The following TOP2A variants were observed in gnomAD, a reference collection of about 807,000 sequenced individuals.
TOP2A encodes DNA topoisomerase 2-alpha.
In TOP2A, 68 loss-of-function variants were observed where a neutral mutation model predicts 187.2. The ratio of observed to expected loss-of-function variants is 0.36; its 90% CI spans 0.30 to 0.44. The LOEUF is 0.44. Ranked by LOEUF, TOP2A falls within the 20% of genes least tolerant of loss-of-function variation. The pLI, the probability that TOP2A is intolerant of heterozygous loss-of-function variation, is 1.00. For synonymous variants in TOP2A, 542 were observed against 593.2 expected, an observed-to-expected ratio of 0.91 and a Z score of 1.25; for missense variants, 1,196 against 1,808.7, an observed-to-expected ratio of 0.66 and a Z score of 6.14.
At chr17:40,402,768 A>G in intron 20 of TOP2A, 138 bp downstream of exon 20, 1 of 841,222 alleles carries the variant, frequency 1.2e-6, no homozygotes, top group Non-Finnish European at 1.8e-6. Flanking sequence ...GCTTTCCTGT[A>G]TAAGCCTCAC....
rs1180784722 is a variant in TOP2A, at chr17:40,389,487, A to G, written c.*32T>C. 1 of 1,563,680 alleles carries G rather than the reference A, an allele frequency of 6.4e-7. No homozygotes were observed. Among genetic ancestry groups the G allele is most frequent in the Non-Finnish European group, 8.7e-7 (1 of 1,152,840 alleles). On this transcript the variant is annotated 3_prime_UTR_variant, in exon 35 of 35. Transcript: ENST00000423485. ...CTTTAAAACCAGTCTTGGGCTTGGT[A>G]AGATAATTACTTAAAATAATCGCCT...
At position 40,412,818 on chromosome 17, in the gene TOP2A, A is replaced by T; in HGVS notation, c.730T>A (p.Tyr244Asn). The T allele has an allele frequency of 6.2e-7, 1 of 1,614,020 alleles. No homozygotes were observed. Among genetic ancestry groups the T allele is most frequent in the Non-Finnish European group, 8.5e-7 (1 of 1,179,876 alleles). ...DIVALMVRRAYDIAGSTKDVK... is the reference protein window; with the variant it reads ...DIVALMVRRANDIAGSTKDVK... ...TCTTTGGTGGATCCAGCAATATCAT[A>T]TGCTCTTCTGACCATTAGTGCAACA... The change falls in exon 7 of 35, where the codon TAT (tyrosine) becomes AAT (asparagine). Residue 244 changes from tyrosine (Y) to asparagine (N), a missense_variant. Tyr to Asn is a moderately radical substitution (Grantham distance 143). Coordinates refer to ENST00000423485, the MANE Select transcript of TOP2A (RefSeq NM_001067.4).
At chr17:40,399,205 T>A in intron 24 of TOP2A, 74 bp from the exon 25 acceptor site, 1 of 1,088,880 alleles carries the variant, frequency 9.2e-7, no homozygotes, top group Non-Finnish European at 1.3e-6. Flanking sequence ...TTTACACAAG[T>A]CAAAAGTTTA....
At chr17:40,396,003 G>A (rs995768516) in intron 28 of TOP2A, among the ~76,000 whole-genome samples, 2 of 148,768 alleles carry the variant, frequency 1.3e-5, no homozygotes, top group African/African-American at 4.9e-5. Flanking sequence ...TTTTTGAGAT[G>A]GAGTTTTGCT....
rs1048890086 is a variant in TOP2A at position 40,398,110 on chromosome 17, CTTTTTTT to C, written c.3537+441_3537+447del. Among the ~76,000 whole-genome samples, 20 of 127,664 alleles carry C rather than the reference CTTTTTTT, an allele frequency of 1.6e-4. No individual in the cohort carries two copies. The East Asian group carries it at 2.1e-3, about 13-fold the overall frequency. The allele number at this position is 127,664 out of a possible 152,430, so 83.8% of individuals were successfully genotyped here. The stretch of plus-strand genomic sequence containing the variant: ...CTAAGTAGTATTTAATAATCTGTCC[CTTTTTTT>C]TTTTTTTTTTTTTTGAGACGGAGTC... On this transcript the variant is annotated intron_variant, in intron 27 of 34. Coordinates refer to ENST00000423485, the MANE Select transcript of TOP2A (RefSeq NM_001067.4).
chr17:40,404,035 C>T, intron 19 of TOP2A, 117 bp downstream of exon 19: 1 of 1,329,812 alleles, frequency 7.5e-7, no homozygotes, highest in Non-Finnish European at 1.0e-6. Flanking sequence ...ACAGGTTTTA[C>T]CAACTTGTTC....
Position 40,407,953 on chromosome 17 carries a change from G to A in TOP2A, c.1500+14C>T, listed in dbSNP as rs377118340. On this transcript the variant is annotated intron_variant, in intron 12 of 34. Transcript: ENST00000423485. ...AAATTAGATTTAGATTCTGAAGATC[G>A]TCTTATATTCTACCTGCTTATGAGA... 6.1e-5 allele frequency: 98 copies of A among 1,602,362 alleles called. No homozygotes were observed. Among genetic ancestry groups the A allele is most frequent in the South Asian group, 4.8e-4 (43 of 89,700 alleles).
Position 40,413,502 on chromosome 17 carries a change from A to G in TOP2A, c.456T>C (p.Asp152=), listed in dbSNP as rs1290529154. ...TACCTGTCACTTTCTTTTCATCATC[A>G]TCATAGTTACTAGAAGTTAGGAGCT... ...FGQLLTSSNY[D]DDEKKVTGGR... is the part of the protein sequence containing the mutation. The change falls in exon 5 of 35, where the codon GAT becomes GAC. Residue 152 remains aspartate (D), a synonymous_variant. Coordinates refer to ENST00000423485, the MANE Select transcript of TOP2A (RefSeq NM_001067.4). 5 of 1,535,638 alleles carry G rather than the reference A, an allele frequency of 3.3e-6. No homozygotes were observed. The highest frequency in any genetic ancestry group is 4.4e-6 in the Non-Finnish European group (5 of 1,141,912).
At chr17:40,417,711 G>T (rs910960747) in intron 1 of TOP2A, 60 bp downstream of exon 1, 1 of 1,608,516 alleles carries the variant, frequency 6.2e-7, no homozygotes, top group African/African-American at 1.3e-5. Flanking sequence ...GTCACGGGCG[G>T]CCAGAGAGAT....
chr17:40,401,010 C>T lies in TOP2A; in HGVS notation c.2504G>A (p.Arg835His), dbSNP rs750801789. The T allele has an allele frequency of 8.7e-6, 14 of 1,613,936 alleles. No individual in the cohort carries two copies. The highest frequency in any genetic ancestry group is 1.1e-5 in the South Asian group (1 of 91,080). ...AGGAATGTACCATTCAGGCTCAACA[C>T]GCTGGTTGTCATCATATAAAAACTT... ...TLKFLYDDNQ[R>H]VEPEWYIPII... Residue 835 changes from arginine to histidine, a missense_variant, in exon 21 of 35, where the codon CGT becomes CAT. Physicochemically the swap from Arg to His is conservative, Grantham distance 29. Transcript: ENST00000423485.
chr17:40,405,020 T>G lies in TOP2A; in HGVS notation c.1954-137A>C, dbSNP rs1042675924. On this transcript the variant is annotated intron_variant, in intron 16 of 34. Coordinates refer to ENST00000423485, the MANE Select transcript of TOP2A (RefSeq NM_001067.4). ...TTTTTTTTTTTGAGACGGGAGTTACTGTTCTCTTGCCCAGCCTGGAGTGCA... is the reference window on the plus strand; with the variant it reads ...TTTTTTTTTTTGAGACGGGAGTTACGGTTCTCTTGCCCAGCCTGGAGTGCA... The G allele has an allele frequency of 6.7e-6, 4 of 593,668 alleles. No individual in the cohort carries two copies. In the African/African-American group the frequency reaches 7.7e-5, roughly 11 times the overall value. 36.8% of individuals were successfully genotyped at this position (593,668 alleles called of 1,614,324 possible).
chr17:40,399,975 T>A lies in TOP2A; in HGVS notation c.3093A>T (p.Gly1031=), dbSNP rs1355018304. The change falls in exon 24 of 35, where the codon GGA becomes GGT. Residue 1031 remains glycine (G), a synonymous_variant. Transcript: ENST00000423485. The part of the protein sequence containing the change: ...DFFELRLKYY[G]LRKEWLLGML... ...TTCCTAGGAGCCATTCTTTTCTTAATCCATAATATTTAAGTCTGAGTTCAA... is the reference window on the plus strand; with the variant it reads ...TTCCTAGGAGCCATTCTTTTCTTAAACCATAATATTTAAGTCTGAGTTCAA... 1 of 1,613,472 alleles carries A rather than the reference T, an allele frequency of 6.2e-7. No individual in the cohort carries two copies. The highest frequency in any genetic ancestry group is 1.1e-5 in the South Asian group (1 of 91,060).
At chr17:40,401,144 T>A in intron 20 of TOP2A, 63 bp from the exon 21 acceptor site, 1 of 1,393,684 alleles carries the variant, frequency 7.2e-7, no homozygotes, top group Non-Finnish European at 9.9e-7. Flanking sequence ...TTAACTTTTA[T>A]GGAAAGGACA....
chr17:40,411,579 T>C lies in TOP2A; in HGVS notation c.963+66A>G, dbSNP rs2035322761. On this transcript the variant is annotated intron_variant, in intron 8 of 34. Transcript: ENST00000423485. The surrounding 1 kb of genome is among the most constrained non-coding windows in gnomAD (Gnocchi z 4.4). Reference sequence around the variant, plus strand: ...CCAATATTCAAGTCCACTTTATATATTAAAAACAATAAGAACACATATATG... The same window carrying C: ...CCAATATTCAAGTCCACTTTATATACTAAAAACAATAAGAACACATATATG... 6.4e-7 allele frequency: 1 copy of C among 1,565,876 alleles called. No individual in the cohort carries two copies. The highest frequency in any genetic ancestry group is 2.3e-5 in the East Asian group (1 of 42,822).
rs2035272269 is a variant in TOP2A, at chr17:40,408,249, G to C, written c.1343-125C>G. 3 of 827,916 alleles carry C rather than the reference G, an allele frequency of 3.6e-6. No individual in the cohort carries two copies. In the Admixed American group the frequency reaches 9.7e-5, roughly 27 times the overall value. The allele number at this position is 827,916 out of a possible 1,614,324, so 51.3% of individuals were successfully genotyped here. On this transcript the variant is annotated intron_variant, in intron 11 of 34. Coordinates refer to ENST00000423485, the MANE Select transcript of TOP2A (RefSeq NM_001067.4). ...TACTATATAATGAGCAAAATTATTT[G>C]TTAGGTAATAGATCATAATATAAAC...
intron 10 of TOP2A, chr17:40,410,592 G>C: frequency 2.2e-6 from 1 of 455,970 alleles, no homozygotes; most frequent in South Asian, 1.6e-5. Context: ...AACCAAAAAA[G>C]AGATAATGGT....
chr17:40,396,233 G>T, intron 28 of TOP2A, 50 bp downstream of exon 28: 1 of 1,015,052 alleles, frequency 9.9e-7, no homozygotes, highest in Non-Finnish European at 1.5e-6. Flanking sequence ...CACCCACCTT[G>T]GCCCCCAAAG....
intron 19 of TOP2A, among the ~76,000 whole-genome samples, chr17:40,403,863 T>C (rs534317601): frequency 2.0e-5 from 3 of 152,352 alleles, no homozygotes; most frequent in Admixed American, 2.0e-4. Context: ...TGTGTCACAA[T>C]TTATTATAAC....
chr17:40,390,009 C>A lies in TOP2A; in HGVS notation c.4423G>T (p.Asp1475Tyr), dbSNP rs1394328357. Residue 1475 changes from aspartate (D) to tyrosine (Y), a missense_variant, in exon 34 of 35, where the codon GAC (aspartate) becomes TAC (tyrosine). By Grantham distance (160) the Asp-to-Tyr change is radical. Around this residue, in one of 10 missense-constraint regions of TOP2A, gnomAD observed 374 missense variants for 403.3 expected, o/e 0.93. Coordinates refer to ENST00000423485, the MANE Select transcript of TOP2A (RefSeq NM_001067.4). Reference protein sequence around the residue: ...KRKPSTSDDSDSNFEKIVSKA... With the variant: ...KRKPSTSDDSYSNFEKIVSKA... Reference sequence around the variant, plus strand: ...GAAACAATTTTCTCAAAATTAGAGTCAGAATCATCAGAAGTGGATGGCTTC... The same window carrying A: ...GAAACAATTTTCTCAAAATTAGAGTAAGAATCATCAGAAGTGGATGGCTTC... The A allele has an allele frequency of 3.7e-6, 6 of 1,613,830 alleles. No homozygotes were observed. The highest frequency in any genetic ancestry group is 5.1e-6 in the Non-Finnish European group (6 of 1,179,838).
Sources: allele counts gnomAD v4.1 joint callset (sites outside exome capture counted in the v4.1 genomes callset), GRCh38; gene constraint gnomAD v4.1.1; regional missense constraint gnomAD v4.1.1; non-coding constraint Gnocchi (gnomAD v3.1); transcripts MANE v1.5; gene names NCBI Gene and HGNC (gene_info 2026-07-23, HGNC 2026-07-21).